NLRP2: variants seen among roughly 807,000 people sequenced by gnomAD.
NLRP2 encodes the protein NACHT, LRR and PYD domains-containing protein 2.
NLRP2 carries 107 observed loss-of-function variants against 97.2 expected under a neutral mutation model. That is an observed-to-expected ratio of 1.10 (90% CI 0.94 to 1.29). The LOEUF (loss-of-function observed/expected upper bound fraction) is 1.29, where lower values mean the gene tolerates loss of function less well. Among genes scored for constraint, NLRP2 ranks in the 50% most tolerant of loss-of-function variants. The pLI, the probability that NLRP2 is intolerant of heterozygous loss-of-function variation, is 0.00. For missense variants in NLRP2, 1,495 were observed against 1,330.3 expected (o/e 1.12, Z -1.93); for synonymous variants, 663 against 551.5 (o/e 1.20, Z -2.83).
chr19:54,996,023 G>C (rs2072788639), intron 11 of NLRP2, among the ~76,000 whole-genome samples: 1 of 131,104 alleles, frequency 7.6e-6, no homozygotes, highest in South Asian at 2.4e-4. Flanking sequence ...CTGGGTGACA[G>C]TGAGATCCTG....
chr19:54,985,862 G>A (rs1336487305), intron 7 of NLRP2, among the ~76,000 whole-genome samples: 5 of 151,904 alleles, frequency 3.3e-5, no homozygotes, highest in Non-Finnish European at 7.4e-5. Context: ...GCCAGGTGTC[G>A]TGGCAGGTGC....
chr19:54,973,678 G>GTT (rs559257325), intron 2 of NLRP2: 82 of 378,814 alleles, frequency 2.2e-4, no homozygotes, highest in African/African-American at 1.5e-3. Flanking sequence ...CCGGCCAAGG[G>GTT]TTTTTAACTT....
chr19:54,965,542 G>A (rs1255326244), upstream of NLRP2, among the ~76,000 whole-genome samples: 3 of 91,796 alleles, frequency 3.3e-5, no homozygotes, highest in Admixed American at 1.1e-4. Flanking sequence ...TGCAAGCTCC[G>A]CCTCCCGGGT....
chr19:54,994,619 T>G (rs934128184), intron 11 of NLRP2, among the ~76,000 whole-genome samples, 180 bp downstream of exon 11: 14 of 145,850 alleles, frequency 9.6e-5, no homozygotes, highest in African/African-American at 2.3e-4. Flanking sequence ...TAAGTTTTTG[T>G]TTTTTTTTTT....
chr19:54,996,903 G>A (rs896278362), intron 11 of NLRP2, among the ~76,000 whole-genome samples: 8 of 151,938 alleles, frequency 5.3e-5, no homozygotes, highest in African/African-American at 9.7e-5. Context: ...CCCTGAGGGC[G>A]GAGACGTTTT....
chr19:54,996,989 C>T (rs1048739233), intron 11 of NLRP2, among the ~76,000 whole-genome samples: 4 of 152,100 alleles, frequency 2.6e-5, no homozygotes, highest in African/African-American at 9.7e-5. Context: ...CTCACTGCAA[C>T]CTCCGCCTCC....
intron 2 of NLRP2, among the ~76,000 whole-genome samples, chr19:54,971,502 A>G (rs1250746039): frequency 6.6e-6 from 1 of 151,850 alleles, no homozygotes; most frequent in Non-Finnish European, 1.5e-5. Flanking sequence ...TGACTTTTTA[A>G]TGATCGCCAT....
chr19:54,993,315 A>G (rs996164396), intron 10 of NLRP2: 10 of 151,610 alleles, frequency 6.6e-5, no homozygotes, highest in African/African-American at 2.2e-4. Context: ...TCTGCCATCT[A>G]TTTCCAAGGC....
chr19:54,976,941 A>G, intron 3 of NLRP2: 3 of 383,958 alleles, frequency 7.8e-6, no homozygotes, highest in South Asian at 5.8e-5. Flanking sequence ...CAGCCTCGCA[A>G]GTAGCTGGGA....
intron 3 of NLRP2, among the ~76,000 whole-genome samples, 200 bp downstream of exon 3, chr19:54,974,744 C>T (rs866408763): frequency 1.3e-4 from 20 of 152,294 alleles, no homozygotes; most frequent in Middle Eastern, 6.8e-3. Context: ...TGTTGGAAAT[C>T]TATAAATACA....
intron 2 of NLRP2, among the ~76,000 whole-genome samples, chr19:54,971,053 T>C (rs1205600671): frequency 7.3e-6 from 1 of 137,712 alleles, no homozygotes; most frequent in Non-Finnish European, 1.5e-5. Flanking sequence ...TTCCCACCTA[T>C]GAGTGAGAAT....
At chr19:54,981,415 A>ATG (rs2071562060) in intron 4 of NLRP2, among the ~76,000 whole-genome samples, 1 of 151,534 alleles carries the variant, frequency 6.6e-6, no homozygotes. Context: ...GATCCACCCC[A>ATG]CCTCAGCCTC....
Position 54,990,197 on chromosome 19 carries a change from G to A in NLRP2, c.2537+5G>A, listed in dbSNP as rs1568523510. 9.9e-6 allele frequency: 16 copies of A among 1,614,024 alleles called. No individual in the cohort carries two copies. The highest frequency in any genetic ancestry group is 1.3e-5 in the Non-Finnish European group (15 of 1,179,934). The stretch of plus-strand genomic sequence containing the variant: ...GTGCTTTCTGCAGAGGTTGTCGTAA[G>A]TCTCTCCTCTCTTACAGAGCAGCTG... On this transcript the variant is annotated splice_donor_5th_base_variant and intron_variant, in intron 9 of 12. Transcript: ENST00000448584.
In NLRP2 at chr19:54,990,505, G is replaced by A; in HGVS notation, c.2541G>A (p.Leu847=). ...HPKCFLQRLS[L]ENCHLTEANC... ...GCCATTTGTGATTCTTTTGTAGGTT[G>A]GAAAACTGTCACCTTACAGAAGCCA... Residue 847 remains leucine (L), a synonymous_variant, in exon 10 of 13, where the codon TTG becomes TTA. Transcript: ENST00000448584. 2 of 1,614,148 alleles carry A rather than the reference G, an allele frequency of 1.2e-6. No homozygotes were observed. The highest frequency in any genetic ancestry group is 2.2e-5 in the South Asian group (2 of 91,084).
intron 4 of NLRP2, among the ~76,000 whole-genome samples, chr19:54,979,575 T>G (rs2071445104): frequency 6.6e-6 from 1 of 151,948 alleles, no homozygotes; most frequent in Non-Finnish European, 1.5e-5. Flanking sequence ...GGTCTTGAAC[T>G]CCTGACCTCA....
At chr19:54,977,296 C>T (rs1467500145) in intron 3 of NLRP2, among the ~76,000 whole-genome samples, 2 of 152,040 alleles carry the variant, frequency 1.3e-5, no homozygotes, top group Non-Finnish European at 2.9e-5. Context: ...TGGCACATTC[C>T]TGTAATCCCA....
At position 54,969,746 on chromosome 19, in the gene NLRP2, G is replaced by T. The variant is rs375224069; in HGVS notation, c.-17-253G>T. ...ACAATCAAGGCTCACTGCAGTTTCA[G>T]TCTCCCAGGCTCAAGCAATCCTCCC... On this transcript the variant is annotated intron_variant, in intron 1 of 12. Transcript: ENST00000448584. Among the ~76,000 whole-genome samples the T allele has an allele frequency of 3.3e-5, 5 of 152,262 alleles. No individual in the cohort carries two copies. In the South Asian group the frequency reaches 1.0e-3, roughly 32 times the overall value.
intron 3 of NLRP2, chr19:54,976,750 C>A: frequency 2.3e-6 from 1 of 428,742 alleles, no homozygotes; most frequent in Non-Finnish European, 4.6e-6. Flanking sequence ...CATGGACTCA[C>A]CTCTTCATTA....
intron 7 of NLRP2, among the ~76,000 whole-genome samples, chr19:54,985,789 A>T (rs570011223): frequency 7.2e-5 from 11 of 152,098 alleles, no homozygotes; most frequent in African/African-American, 2.7e-4. Context: ...TGAGGTCAGG[A>T]GTTCAAGACC....
Sources: gnomAD v4.1 joint callset for allele counts (sites outside exome capture counted in the v4.1 genomes callset) on GRCh38, gnomAD v4.1.1 for gene constraint, MANE v1.5 for transcripts, NCBI Gene and HGNC (gene_info 2026-07-23, HGNC 2026-07-21) for gene names.